SOX5: variants seen among roughly 807,000 people sequenced by gnomAD.
SOX5 encodes transcription factor SOX-5.
SOX5 carries 9 observed loss-of-function variants against 92.0 expected under a neutral mutation model. The observed-to-expected ratio is 0.10, with a 90% CI of 0.06 to 0.17. SOX5 has a LOEUF of 0.17. Ranked by LOEUF, SOX5 falls within the 10% of genes least tolerant of loss-of-function variation. The pLI is 1.00. For synonymous variants in SOX5, 344 were observed against 336.3 expected, an observed-to-expected ratio of 1.02 and a Z score of -0.25; for missense variants, 642 against 944.5, an observed-to-expected ratio of 0.68 and a Z score of 4.20.
chr12:24,002,877 G>C (rs1166548912), intron 4 of SOX5, among the ~76,000 whole-genome samples: 4 of 123,266 alleles, frequency 3.2e-5, no homozygotes, highest in African/African-American at 5.4e-5. Context: ...CATAAGAAAA[G>C]AAAACTACAT....
chr12:23,979,962 C>T (rs113084882), intron 4 of SOX5, among the ~76,000 whole-genome samples: 9 of 135,642 alleles, frequency 6.6e-5, no homozygotes, highest in African/African-American at 1.6e-4. Context: ...GACAGACAGA[C>T]AGATAGATAG....
intron 1 of SOX5, among the ~76,000 whole-genome samples, chr12:24,547,353 G>A (rs553507965): frequency 5.3e-5 from 8 of 151,524 alleles, no homozygotes; most frequent in Admixed American, 1.3e-4. Flanking sequence ...CACCGCGCCC[G>A]GCTAATTTTT....
At chr12:23,603,641 A>G (rs1026750920) in intron 9 of SOX5, among the ~76,000 whole-genome samples, 3 of 151,666 alleles carry the variant, frequency 2.0e-5, no homozygotes, top group Non-Finnish European at 4.4e-5. Flanking sequence ...CAAGATCTTA[A>G]TACAAATACA....
At chr12:24,159,436 A>C (rs2138960427) in intron 4 of SOX5, among the ~76,000 whole-genome samples, 1 of 152,128 alleles carries the variant, frequency 6.6e-6, no homozygotes, top group South Asian at 2.1e-4. Context: ...CTATTCTAAG[A>C]GAAAATATTC....
At chr12:24,280,850 T>C (rs1449203107) in intron 2 of SOX5, among the ~76,000 whole-genome samples, 1 of 151,908 alleles carries the variant, frequency 6.6e-6, no homozygotes, top group Non-Finnish European at 1.5e-5. Flanking sequence ...TTTAGCATAA[T>C]ACATTGGTAA....
intron 4 of SOX5, among the ~76,000 whole-genome samples, chr12:24,094,030 T>C (rs542096764): frequency 1.1e-4 from 17 of 152,066 alleles, no homozygotes; most frequent in Admixed American, 9.8e-4. Flanking sequence ...CACTGCAACC[T>C]CTGCCTCCCG....
At chr12:23,993,868 T>C (rs1221493915) in intron 4 of SOX5, among the ~76,000 whole-genome samples, 2 of 27,084 alleles carry the variant, frequency 7.4e-5, no homozygotes, top group African/African-American at 2.4e-4. Context: ...CTATGAAATG[T>C]ATGTATGTAT....
At chr12:24,438,684 G>A (rs1420203357) in intron 1 of SOX5, among the ~76,000 whole-genome samples, 1 of 152,224 alleles carries the variant, frequency 6.6e-6, no homozygotes, top group African/African-American at 2.4e-5. Context: ...GGAGAGGAAG[G>A]AACTGCAGAT....
At chr12:24,448,800 C>T (rs188271614) in intron 1 of SOX5, among the ~76,000 whole-genome samples, 7 of 152,178 alleles carry the variant, frequency 4.6e-5, no homozygotes, top group Admixed American at 4.6e-4. Context: ...CCAGCCCAGA[C>T]CTCACTCCTG....
At chr12:23,632,911 GC>G (rs945007888) in intron 8 of SOX5, among the ~76,000 whole-genome samples, 54 of 151,964 alleles carry the variant, frequency 3.6e-4, no homozygotes, top group African/African-American at 1.2e-3. Context: ...GGAATTTTGA[GC>G]CTTTATTCCA....
At chr12:24,513,155 C>T (rs190200616) in intron 1 of SOX5, among the ~76,000 whole-genome samples, 6 of 152,286 alleles carry the variant, frequency 3.9e-5, no homozygotes, top group East Asian at 1.9e-4. Flanking sequence ...TGTTACCAGA[C>T]GATTTTGCCC....
In SOX5 at chr12:23,961,543, A is replaced by C. The variant is rs371924720; in HGVS notation, c.-1-65519T>G. 6.6e-5 allele frequency among the ~76,000 whole-genome samples: 10 copies of C among 151,900 alleles called. No individual in the cohort carries two copies. The South Asian group carries it at 1.9e-3, about 28-fold the overall frequency. ...TATCTTCCCCCCTTCCCTTCTCCCA[A>C]TTTATAAGGCTAACGTCTACTCATC... On this transcript the variant is annotated intron_variant, in intron 4 of 4. Coordinates refer to the SOX5 transcript ENST00000446891.
At chr12:24,452,348 C>T (rs1306387877) in intron 1 of SOX5, among the ~76,000 whole-genome samples, 2 of 152,132 alleles carry the variant, frequency 1.3e-5, no homozygotes, top group African/African-American at 2.4e-5. Flanking sequence ...AATTATCCAA[C>T]CTAATGTGCA....
At chr12:23,946,386 C>T (rs1191342725) in intron 1 of SOX5, among the ~76,000 whole-genome samples, 1 of 151,820 alleles carries the variant, frequency 6.6e-6, no homozygotes, top group Non-Finnish European at 1.5e-5. Flanking sequence ...GAAGCTTAGA[C>T]ACAAAACTAT....
At chr12:24,193,625 G>T (rs566010065) in intron 4 of SOX5, among the ~76,000 whole-genome samples, 1 of 152,118 alleles carries the variant, frequency 6.6e-6, no homozygotes, top group Non-Finnish European at 1.5e-5. Flanking sequence ...CTTGTGTTTG[G>T]CTAATATTGA....
chr12:24,519,054 C>T (rs1023303111), intron 1 of SOX5, among the ~76,000 whole-genome samples: 9 of 152,026 alleles, frequency 5.9e-5, no homozygotes, highest in African/African-American at 1.7e-4. Context: ...ATTTTGGGTA[C>T]GTGCCTAGAA....
chr12:24,498,332 T>C (rs1248907754), intron 1 of SOX5, among the ~76,000 whole-genome samples: 1 of 152,042 alleles, frequency 6.6e-6, no homozygotes, highest in Non-Finnish European at 1.5e-5. Context: ...AACTAGCAAA[T>C]CAGTGATAGG....
intron 6 of SOX5, among the ~76,000 whole-genome samples, chr12:23,688,870 G>A (rs574125892): frequency 2.0e-5 from 3 of 152,090 alleles, no homozygotes; most frequent in East Asian, 1.9e-4. Flanking sequence ...AAGTGTAGGC[G>A]TGTTCAATAA....
intron 4 of SOX5, among the ~76,000 whole-genome samples, chr12:23,990,663 C>A (rs370594859): frequency 2.0e-5 from 3 of 152,254 alleles, no homozygotes; most frequent in African/African-American, 7.2e-5. Flanking sequence ...GTATCTTCTA[C>A]ATGTTTCTAT....
Sources: allele counts gnomAD v4.1 joint callset (sites outside exome capture counted in the v4.1 genomes callset), GRCh38; gene constraint gnomAD v4.1.1; transcripts MANE v1.5; gene names NCBI Gene and HGNC (gene_info 2026-07-23, HGNC 2026-07-21).